The following CFAP299 variants were observed in gnomAD, a reference collection of about 807,000 sequenced individuals.
CFAP299 encodes the protein cilia and flagella associated protein 299.
A neutral mutation model predicts 27.0 loss-of-function variants in CFAP299; 21 were observed. The observed-to-expected ratio is 0.78, with a 90% CI of 0.55 to 1.12. The LOEUF (loss-of-function observed/expected upper bound fraction) is 1.12, where lower values mean the gene tolerates loss of function less well. CFAP299 is among the 50% of genes most tolerant of loss of function. The probability of loss-of-function intolerance (pLI) is 0.00; values close to 1 mark genes in which losing one functional copy is unlikely to be tolerated. For synonymous variants in CFAP299, 104 were observed against 98.1 expected (o/e 1.06, Z -0.36); for missense variants, 310 against 276.6 (o/e 1.12, Z -0.86).
At chr4:80,675,682 A>G (rs1578005551) in intron 3 of CFAP299, among the ~76,000 whole-genome samples, 1 of 152,198 alleles carries the variant, frequency 6.6e-6, no homozygotes, top group East Asian at 1.9e-4. Context: ...GCAGAGCTGT[A>G]GTGGGCTGCA....
rs138267093 is a variant in CFAP299, at chr4:80,705,333, C to G, written c.333+122150C>G. On this transcript the variant is annotated intron_variant, in intron 3 of 5. Transcript: ENST00000358105. The stretch of plus-strand genomic sequence containing the variant: ...TCTGCCAACTTTAGCACATGGCTGC[C>G]AAGGTGGTACAGTTGTTTCCTTCCA... 1.8e-3 allele frequency among the ~76,000 whole-genome samples: 270 copies of G among 151,800 alleles called. 3 individuals are homozygous for G. Among genetic ancestry groups the G allele is most frequent in the Non-Finnish European group, 3.0e-3 (202 of 67,792 alleles).
At chr4:80,526,226 C>T (rs1733167070) in intron 2 of CFAP299, among the ~76,000 whole-genome samples, 1 of 151,982 alleles carries the variant, frequency 6.6e-6, no homozygotes, top group Admixed American at 6.6e-5. Flanking sequence ...AGATGGATCT[C>T]CATTTTGATT....
intron 4 of CFAP299, among the ~76,000 whole-genome samples, chr4:80,898,732 A>G (rs980566780): frequency 6.6e-6 from 1 of 152,184 alleles, no homozygotes; most frequent in Non-Finnish European, 1.5e-5. Context: ...AAGGCATACC[A>G]TAAAGGAATT....
chr4:80,588,557 AT>A (rs955742391), intron 3 of CFAP299, among the ~76,000 whole-genome samples: 2 of 150,900 alleles, frequency 1.3e-5, no homozygotes, highest in Non-Finnish European at 2.9e-5. Context: ...AATAAAATGT[AT>A]TTGGTCATTT....
intron 2 of CFAP299, among the ~76,000 whole-genome samples, chr4:80,401,361 G>C (rs1726144660): frequency 6.6e-6 from 1 of 152,142 alleles, no homozygotes; most frequent in Admixed American, 6.5e-5. Flanking sequence ...AAATGGTTTA[G>C]TGGACTGGGC....
chr4:80,400,616 G>T (rs1180579260), intron 2 of CFAP299, among the ~76,000 whole-genome samples: 1 of 152,096 alleles, frequency 6.6e-6, no homozygotes, highest in Non-Finnish European at 1.5e-5. Flanking sequence ...CTCCCCAGTG[G>T]AATTGTCCGT....
intron 3 of CFAP299, among the ~76,000 whole-genome samples, chr4:80,666,884 A>G (rs1453165869): frequency 1.3e-5 from 2 of 152,196 alleles, no homozygotes; most frequent in Non-Finnish European, 2.9e-5. Context: ...TCATAGGTCC[A>G]TAAGGATAAA....
chr4:80,719,424 TTATA>T (rs1412087620), intron 3 of CFAP299, among the ~76,000 whole-genome samples: 1 of 152,336 alleles, frequency 6.6e-6, no homozygotes, highest in Admixed American at 6.5e-5. Flanking sequence ...ATGCTTAACT[TTATA>T]GAAAACTACC....
intron 3 of CFAP299, among the ~76,000 whole-genome samples, chr4:80,697,747 G>A (rs995946651): frequency 2.4e-4 from 37 of 152,134 alleles, no homozygotes; most frequent in African/African-American, 8.0e-4. Flanking sequence ...AAGATTTGTG[G>A]CTGCTGCCAT....
chr4:80,379,647 T>G (rs1724595696), intron 2 of CFAP299, among the ~76,000 whole-genome samples: 1 of 152,054 alleles, frequency 6.6e-6, no homozygotes, highest in African/African-American at 2.4e-5. Flanking sequence ...GCTTTATAAT[T>G]TCCTTTATAA....
chr4:80,573,256 C>T (rs1206329140), intron 2 of CFAP299, among the ~76,000 whole-genome samples: 1 of 152,016 alleles, frequency 6.6e-6, no homozygotes, highest in Non-Finnish European at 1.5e-5. Context: ...GCCTATTTGT[C>T]ATTTGTATAT....
chr4:80,580,277 T>C (rs1416648134), intron 2 of CFAP299, among the ~76,000 whole-genome samples: 1 of 152,030 alleles, frequency 6.6e-6, no homozygotes, highest in African/African-American at 2.4e-5. Context: ...GGTGTATTCA[T>C]TAGCTGAGGT....
intron 3 of CFAP299, among the ~76,000 whole-genome samples, chr4:80,607,977 C>G (rs1455453237): frequency 6.6e-6 from 1 of 151,994 alleles, no homozygotes; most frequent in Non-Finnish European, 1.5e-5. Flanking sequence ...AGTAGTTTTG[C>G]CTAATTTTAT....
intron 2 of CFAP299, among the ~76,000 whole-genome samples, chr4:80,582,295 T>C (rs1235028109): frequency 2.6e-5 from 4 of 151,900 alleles, no homozygotes; most frequent in African/African-American, 7.2e-5. Flanking sequence ...TCACATGGTA[T>C]GACATTATGT....
chr4:80,681,864 G>A (rs1719865613), intron 3 of CFAP299, among the ~76,000 whole-genome samples: 2 of 152,136 alleles, frequency 1.3e-5, no homozygotes, highest in African/African-American at 4.8e-5. Flanking sequence ...CTACATTCAT[G>A]TAGCATAAAT....
chr4:80,414,978 T>G (rs1726927168), intron 2 of CFAP299, among the ~76,000 whole-genome samples: 1 of 152,166 alleles, frequency 6.6e-6, no homozygotes, highest in South Asian at 2.1e-4. Flanking sequence ...AACCACTGCT[T>G]GAAACATAGA....
At chr4:80,671,972 T>C (rs1372923574) in intron 3 of CFAP299, among the ~76,000 whole-genome samples, 1 of 152,204 alleles carries the variant, frequency 6.6e-6, no homozygotes, top group African/African-American at 2.4e-5. Flanking sequence ...GACTTCCTCT[T>C]TTCCTAATTG....
rs534153027 is a variant in CFAP299 at position 80,782,576 on chromosome 4, G to T, written c.334-87417G>T. Among the ~76,000 whole-genome samples, 319 of 126,440 alleles carry T rather than the reference G, an allele frequency of 2.5e-3. 2 individuals carry two copies. The highest frequency in any genetic ancestry group is 4.1e-3 in the Non-Finnish European group (240 of 59,090). 82.9% of individuals were successfully genotyped at this position (126,440 alleles called of 152,430 possible). On this transcript the variant is annotated intron_variant, in intron 3 of 5. Coordinates refer to ENST00000358105, the MANE Select transcript of CFAP299 (RefSeq NM_152770.3). ...ATATTGATATATAATATACATATAT[G>T]AATATATAATATATTCATATATAAT... is the stretch of plus-strand genomic sequence containing the variant.
chr4:80,689,876 A>C (rs1406394056), intron 3 of CFAP299, among the ~76,000 whole-genome samples: 4 of 152,106 alleles, frequency 2.6e-5, no homozygotes, highest in Non-Finnish European at 4.4e-5. Context: ...AAACAAAAAA[A>C]GGCAGGGGTT....
Sources: gnomAD v4.1 joint callset for allele counts (sites outside exome capture counted in the v4.1 genomes callset) on GRCh38, gnomAD v4.1.1 for gene constraint, MANE v1.5 for transcripts, NCBI Gene and HGNC (gene_info 2026-07-23, HGNC 2026-07-21) for gene names.